Variants in PPFIA2 observed in about 807,000 individuals in gnomAD.
PPFIA2 encodes the protein liprin-alpha-2.
A neutral mutation model predicts 175.5 loss-of-function variants in PPFIA2; 46 were observed. The observed-to-expected ratio is 0.26, with a 90% confidence interval of 0.21 to 0.34. The LOEUF (loss-of-function observed/expected upper bound fraction) is 0.34, where lower values mean the gene tolerates loss of function less well. PPFIA2 is among the 10% of genes least tolerant of loss of function. The pLI, the probability that PPFIA2 is intolerant of heterozygous loss-of-function variation, is 1.00. For synonymous variants in PPFIA2, 568 were observed against 511.4 expected (o/e 1.11, Z -1.49); for missense variants, 1,179 against 1,506.1 (o/e 0.78, Z 3.60).
At chr12:81,594,537 C>T (rs2059035583) in intron 4 of PPFIA2, among the ~76,000 whole-genome samples, 1 of 152,070 alleles carries the variant, frequency 6.6e-6, no homozygotes, top group Admixed American at 6.6e-5. Flanking sequence ...TAGTAACACA[C>T]TGTTGTTATT....
At chr12:81,285,534 C>T (rs1253076409) in intron 24 of PPFIA2, among the ~76,000 whole-genome samples, 1 of 152,036 alleles carries the variant, frequency 6.6e-6, no homozygotes, top group Non-Finnish European at 1.5e-5. Flanking sequence ...TCATGCACTA[C>T]ATACCGACAT....
intron 7 of PPFIA2, among the ~76,000 whole-genome samples, chr12:81,428,125 T>C (rs1418521295): frequency 6.6e-6 from 1 of 151,948 alleles, no homozygotes; most frequent in Non-Finnish European, 1.5e-5. Context: ...ATGATGCTTA[T>C]GATCAAAGTA....
rs559078625 is a variant in PPFIA2 at position 81,576,893 on chromosome 12, G to C, written c.303+99898C>G. ...TTTATTCAAAATAATTTCAAATGCT[G>C]TTAATCCATTCATTTGTTTTTGACA... On this transcript the variant is annotated intron_variant, in intron 4 of 32. Coordinates refer to ENST00000549396, the MANE Select transcript of PPFIA2 (RefSeq NM_003625.5). 7.2e-5 allele frequency among the ~76,000 whole-genome samples: 11 copies of C among 151,782 alleles called. No individual in the cohort carries two copies. The South Asian group carries it at 1.2e-3, about 17-fold the overall frequency.
Position 81,358,345 on chromosome 12 carries a change from G to A in PPFIA2, c.1638-128C>T, listed in dbSNP as rs1007001759. 1.8e-5 allele frequency: 17 copies of A among 927,744 alleles called. No individual in the cohort carries two copies. The East Asian group carries it at 3.2e-4, about 17-fold the overall frequency. 57.5% of individuals were successfully genotyped at this position (927,744 alleles called of 1,614,324 possible). The stretch of plus-strand genomic sequence containing the variant: ...GAAATAAACCTCAAGAAAGATAACC[G>A]ATAAATTGTCATGACTCTCTGAGGC... On this transcript the variant is annotated intron_variant, in intron 15 of 32. Coordinates refer to ENST00000549396, the MANE Select transcript of PPFIA2 (RefSeq NM_003625.5).
intron 4 of PPFIA2, among the ~76,000 whole-genome samples, chr12:81,634,863 G>A (rs1026138190): frequency 9.2e-5 from 14 of 151,780 alleles, no homozygotes; most frequent in African/African-American, 2.4e-5. Context: ...CCAATAGTAT[G>A]GGTAATGTGT....
chr12:81,730,189 T>C (rs2080686793), intron 3 of PPFIA2, among the ~76,000 whole-genome samples: 1 of 151,818 alleles, frequency 6.6e-6, no homozygotes, highest in Admixed American at 6.6e-5. Flanking sequence ...CTACACATTA[T>C]GCTCCTATTT....
chr12:81,551,701 T>G (rs2067954070), intron 4 of PPFIA2, among the ~76,000 whole-genome samples: 1 of 151,956 alleles, frequency 6.6e-6, no homozygotes, highest in South Asian at 2.1e-4. Context: ...TGTACTATCA[T>G]ATTTACTTCT....
In PPFIA2 at chr12:81,687,121, C is replaced by G. The variant is rs923721298; in HGVS notation, c.250-10277G>C. On this transcript the variant is annotated intron_variant, in intron 3 of 32. Coordinates refer to ENST00000549396, the MANE Select transcript of PPFIA2 (RefSeq NM_003625.5). ...GCAGGCTAAGGTTGGAGAACCACTACCCCAGAGTGATGTATTTTAAATGCA... is the reference window on the plus strand; with the variant it reads ...GCAGGCTAAGGTTGGAGAACCACTAGCCCAGAGTGATGTATTTTAAATGCA... Among the ~76,000 whole-genome samples the G allele has an allele frequency of 3.3e-5, 5 of 152,112 alleles. No individual in the cohort carries two copies. The South Asian group carries it at 1.0e-3, about 32-fold the overall frequency.
chr12:81,594,759 A>T (rs914539172), intron 4 of PPFIA2, among the ~76,000 whole-genome samples: 1 of 151,968 alleles, frequency 6.6e-6, no homozygotes, highest in Non-Finnish European at 1.5e-5. Flanking sequence ...CAGAACATTA[A>T]AAAAGTAACT....
intron 4 of PPFIA2, among the ~76,000 whole-genome samples, chr12:81,613,452 A>G (rs1004894695): frequency 1.3e-5 from 2 of 152,262 alleles, no homozygotes; most frequent in Non-Finnish European, 2.9e-5. Context: ...ACTTTTTGTT[A>G]GCAACTGTTA....
chr12:81,293,753 A>G (rs1346225801), intron 24 of PPFIA2, among the ~76,000 whole-genome samples: 2 of 152,176 alleles, frequency 1.3e-5, no homozygotes, highest in African/African-American at 2.4e-5. Context: ...AGAACTAAAA[A>G]TAGAATGAGC....
Position 81,443,015 on chromosome 12 carries a change from A to T in PPFIA2, c.570+2541T>A, listed in dbSNP as rs375610680. Reference sequence around the variant, plus strand: ...CTTAGACACATATGAGTCCCTCGACAACTAAATGAAATGCTATTGTAAACA... The same window carrying T: ...CTTAGACACATATGAGTCCCTCGACTACTAAATGAAATGCTATTGTAAACA... On this transcript the variant is annotated intron_variant, in intron 6 of 32. Coordinates refer to ENST00000549396, the MANE Select transcript of PPFIA2 (RefSeq NM_003625.5). 1.3e-4 allele frequency among the ~76,000 whole-genome samples: 19 copies of T among 150,374 alleles called. No individual in the cohort carries two copies. In the South Asian group the frequency reaches 4.0e-3, roughly 32 times the overall value.
At chr12:81,272,379 C>T (rs2039370823) in intron 28 of PPFIA2, among the ~76,000 whole-genome samples, 1 of 152,024 alleles carries the variant, frequency 6.6e-6, no homozygotes, top group Non-Finnish European at 1.5e-5. Context: ...TTATATCATT[C>T]GTCCTTTTTG....
In PPFIA2 at chr12:81,424,570, T is replaced by C. The variant is rs190053551; in HGVS notation, c.645+15402A>G. Among the ~76,000 whole-genome samples, 82 of 152,284 alleles carry C rather than the reference T, an allele frequency of 5.4e-4. 1 individual carries two copies. Among genetic ancestry groups the C allele is most frequent in the African/African-American group, 1.9e-3 (81 of 41,572 alleles). On this transcript the variant is annotated intron_variant, in intron 7 of 32. Coordinates refer to ENST00000549396, the MANE Select transcript of PPFIA2 (RefSeq NM_003625.5). ...TGTGTGTTCTAGAGTCTGCTTTTTG[T>C]ACATTAATATTCATTCTCACATTCT...
chr12:81,343,494 C>A (rs2058506256), intron 19 of PPFIA2, among the ~76,000 whole-genome samples: 1 of 151,796 alleles, frequency 6.6e-6, no homozygotes, highest in African/African-American at 2.4e-5. Context: ...TCTATTCAAG[C>A]CATGTAAGAA....
intron 14 of PPFIA2, among the ~76,000 whole-genome samples, chr12:81,365,489 G>C (rs959485749): frequency 6.6e-6 from 1 of 151,612 alleles, no homozygotes; most frequent in Non-Finnish European, 1.5e-5. Flanking sequence ...TGGGTTCTGG[G>C]GATATTGCCA....
chr12:81,457,658 T>C, intron 5 of PPFIA2, 107 bp downstream of exon 5: 1 of 616,426 alleles, frequency 1.6e-6, no homozygotes, highest in South Asian at 2.7e-5. Flanking sequence ...CTGCTTAAAG[T>C]AATTATAAAG....
chr12:81,303,549 A>C (rs1936925404), intron 22 of PPFIA2, among the ~76,000 whole-genome samples: 1 of 152,206 alleles, frequency 6.6e-6, no homozygotes, highest in Non-Finnish European at 1.5e-5. Context: ...AACACTCTTC[A>C]ATAAAGAATG....
intron 9 of PPFIA2, among the ~76,000 whole-genome samples, chr12:81,380,956 A>C (rs2037511421): frequency 6.9e-6 from 1 of 144,270 alleles, no homozygotes; most frequent in Non-Finnish European, 1.5e-5. Context: ...TTTAGCTTTC[A>C]CAGTGCTGTG....
Sources: allele counts gnomAD v4.1 joint callset (sites outside exome capture counted in the v4.1 genomes callset), GRCh38; gene constraint gnomAD v4.1.1; transcripts MANE v1.5; gene names NCBI Gene and HGNC (gene_info 2026-07-23, HGNC 2026-07-21).